Variants in TSPEAR observed in about 807,000 individuals in gnomAD.
The protein encoded by TSPEAR is thrombospondin type laminin G domain and EAR repeats.
Under a neutral mutation model 71.6 loss-of-function variants are expected in TSPEAR, and 69 were observed. The ratio of observed to expected loss-of-function variants is 0.96; its 90% CI spans 0.79 to 1.18. The LOEUF (loss-of-function observed/expected upper bound fraction) is 1.18. Ranked by LOEUF, TSPEAR falls within the 50% of genes most tolerant of loss-of-function variation. The probability of loss-of-function intolerance (pLI) is 0.00; values close to 1 mark genes in which losing one functional copy is unlikely to be tolerated. For synonymous variants in TSPEAR, 402 were observed against 387.2 expected (o/e 1.04, Z -0.45); for missense variants, 971 against 894.9 (o/e 1.09, Z -1.09).
In TSPEAR at chr21:44,599,172, C is replaced by CTCTCTCTCTCTCTCTCAATGTA. The variant is rs1372930980; in HGVS notation, c.83-31168_83-31167insTACATTGAGAGAGAGAGAGAGA. Reference sequence around the variant, plus strand: ...TCTCTCTCTCTCTCTCTCTCTCTCTCCTTCCATCCCATAGGACCAGATCCT... The same window carrying CTCTCTCTCTCTCTCTCAATGTA: ...TCTCTCTCTCTCTCTCTCTCTCTCTCTCTCTCTCTCTCTCTCAATGTACTTCCATCCCATAGGACCAGATCCT... On this transcript the variant is annotated intron_variant, in intron 1 of 11. Coordinates refer to ENST00000323084, the MANE Select transcript of TSPEAR (RefSeq NM_144991.3). 1.1e-3 allele frequency among the ~76,000 whole-genome samples: 159 copies of CTCTCTCTCTCTCTCTCAATGTA among 146,050 alleles called. 4 individuals are homozygous for CTCTCTCTCTCTCTCTCAATGTA. The highest frequency in any genetic ancestry group is 3.8e-3 in the African/African-American group (144 of 38,030).
rs1555921946 is a variant in TSPEAR, at chr21:44,567,900, A to G, written c.188T>C (p.Val63Ala). ...GAAGCTCATGGTGCGGGGGGCGGCT[A>G]CTGAGAGCTGGAGTCCCCGTGCACC... ...VHGARGLQLS[V>A]AAPRTMSFPA... Residue 63 changes from valine (V) to alanine (A), a missense_variant, in exon 2 of 12, where the codon GTA becomes GCA. Physicochemically the swap from Val to Ala is moderately conservative, Grantham distance 64. Transcript: ENST00000323084. The G allele has an allele frequency of 6.2e-6, 10 of 1,608,524 alleles. No individual in the cohort carries two copies. In the South Asian group the frequency reaches 8.9e-5, roughly 14 times the overall value.
rs1979807144 is a variant in TSPEAR at position 44,591,332 on chromosome 21, G to A, written c.83-23327C>T. 3.2e-6 allele frequency: 5 copies of A among 1,552,766 alleles called. No individual in the cohort carries two copies. The South Asian group carries it at 3.7e-5, about 12-fold the overall frequency. On this transcript the variant is annotated intron_variant, in intron 1 of 11. Transcript: ENST00000323084. ...GCCAGAGAGGGCAGAGCTTGCTGGG[G>A]CAGCTGGGAGGTCAGCCCCTGGTGG...
At chr21:44,670,671 GC>G (rs1240228805) in intron 1 of TSPEAR, among the ~76,000 whole-genome samples, 1 of 152,138 alleles carries the variant, frequency 6.6e-6, no homozygotes, top group Non-Finnish European at 1.5e-5. Context: ...ATAGGGATTT[GC>G]CAGGATGCCA....
rs781898287 is a variant in TSPEAR, at chr21:44,612,752, C to A, written c.83-44747G>T. 1 of 1,613,580 alleles carries A rather than the reference C, an allele frequency of 6.2e-7. No homozygotes were observed. On this transcript the variant is annotated intron_variant, in intron 1 of 11. Coordinates refer to ENST00000323084, the MANE Select transcript of TSPEAR (RefSeq NM_144991.3). The surrounding 1 kb of genome is among the most constrained non-coding windows in gnomAD (Gnocchi z 4.1). ...GTCCCTCCTCTGCCGCCCTGTGTGC[C>A]GGCCTGCCTGCTGTGTGCCTGTCCC... is the stretch of plus-strand genomic sequence containing the variant.
intron 1 of TSPEAR, among the ~76,000 whole-genome samples, chr21:44,630,095 G>A (rs1156629298): frequency 6.6e-6 from 1 of 152,214 alleles, no homozygotes; most frequent in African/African-American, 2.4e-5. Context: ...ATTTAGGAAT[G>A]GGAGTTCTTG....
intron 2 of TSPEAR, 132 bp from the exon 3 acceptor site, chr21:44,534,055 G>T: frequency 1.5e-6 from 1 of 670,576 alleles, no homozygotes; most frequent in Non-Finnish European, 2.6e-6. Flanking sequence ...GGGGCGAGGT[G>T]AGGGGGCGCG....
chr21:44,702,456 C>T, intron 1 of TSPEAR: 1 of 1,611,558 alleles, frequency 6.2e-7, no homozygotes, highest in Non-Finnish European at 8.5e-7. Flanking sequence ...CCTCCCCAAG[C>T]CAGCAGTCCT....
chr21:44,661,769 C>T (rs903080363), intron 1 of TSPEAR, among the ~76,000 whole-genome samples: 7 of 152,094 alleles, frequency 4.6e-5, no homozygotes, highest in African/African-American at 1.4e-4. Flanking sequence ...GAGAGAAAGA[C>T]GGGGCTGGGG....
rs587599565 is a variant in TSPEAR at position 44,533,670 on chromosome 21, C to G, written c.542+15G>C. 9.4e-6 allele frequency: 15 copies of G among 1,592,486 alleles called. No individual in the cohort carries two copies. The highest frequency in any genetic ancestry group is 3.6e-4 in the Middle Eastern group (2 of 5,540). ...CTGAGGACTGCAGGTGCACCCTCCC[C>G]GGGTGGGTACCTACATGTCCACCGG... On this transcript the variant is annotated intron_variant, in intron 3 of 11. Coordinates refer to ENST00000323084, the MANE Select transcript of TSPEAR (RefSeq NM_144991.3).
chr21:44,544,560 G>A (rs1475466346), intron 2 of TSPEAR, among the ~76,000 whole-genome samples: 2 of 152,228 alleles, frequency 1.3e-5, no homozygotes, highest in South Asian at 2.1e-4. Context: ...ACTGAATGCT[G>A]TAAATAATTG....
At position 44,710,907 on chromosome 21, in the gene TSPEAR, G is replaced by A. The variant is rs1055419024; in HGVS notation, c.82+526C>T. ...AGACCAGATTACGCCCCAAAGAACCGAGCCCTTCACTCCAGAGGTGGTTGT... is the reference window on the plus strand; with the variant it reads ...AGACCAGATTACGCCCCAAAGAACCAAGCCCTTCACTCCAGAGGTGGTTGT... On this transcript the variant is annotated intron_variant, in intron 1 of 11. Coordinates refer to ENST00000323084, the MANE Select transcript of TSPEAR (RefSeq NM_144991.3). The surrounding 1 kb of genome is among the most constrained non-coding windows in gnomAD (Gnocchi z 4.6). 3.9e-5 allele frequency among the ~76,000 whole-genome samples: 6 copies of A among 152,196 alleles called. No homozygotes were observed. The highest frequency in any genetic ancestry group is 7.3e-5 in the Non-Finnish European group (5 of 68,044).
chr21:44,671,537 G>A (rs1332571284), intron 1 of TSPEAR, among the ~76,000 whole-genome samples: 6 of 152,212 alleles, frequency 3.9e-5, no homozygotes, highest in Admixed American at 3.9e-4. Context: ...CCTCACCACA[G>A]CCTCCACTGA....
rs1446334018 is a variant in TSPEAR at position 44,521,900 on chromosome 21, G to A, written c.1549C>T (p.Leu517Phe). The change falls in exon 9 of 12, where the codon CTC (leucine) becomes TTC (phenylalanine). Residue 517 changes from leucine (L) to phenylalanine (F), a missense_variant. Leu to Phe is a conservative substitution (Grantham distance 22, BLOSUM62 0). Transcript: ENST00000323084. ...GGCCTTACCGGGAAGGACTGGAAGA[G>A]CTGGAAGGAGCCCAGGAGTCGGATG... is the stretch of plus-strand genomic sequence containing the variant. The part of the protein sequence containing the change: ...LYIRLLGSFQ[L>F]FQSFPTFGAA... 2 of 1,613,796 alleles carry A rather than the reference G, an allele frequency of 1.2e-6. No individual in the cohort carries two copies. The highest frequency in any genetic ancestry group is 1.7e-6 in the Non-Finnish European group (2 of 1,179,920).
chr21:44,591,998 G>GCTTGGAGCAGACAGT (rs1979935618), intron 1 of TSPEAR: 1 of 1,601,180 alleles, frequency 6.2e-7, no homozygotes, highest in African/African-American at 1.4e-5. Context: ...GAGCAGACAG[G>GCTTGGAGCAGACAGT]CTTGCAGCAG....
intron 1 of TSPEAR, among the ~76,000 whole-genome samples, chr21:44,628,861 C>T (rs1555935199): frequency 6.6e-6 from 1 of 152,192 alleles, no homozygotes; most frequent in African/African-American, 2.4e-5. Context: ...GGCCCCTGCT[C>T]CAGCCCTGGG....
chr21:44,531,183 A>C (rs1555915738), intron 3 of TSPEAR, 50 bp from the exon 4 acceptor site: 4 of 1,468,450 alleles, frequency 2.7e-6, no homozygotes, highest in South Asian at 1.2e-5. Flanking sequence ...TGGTCACCCC[A>C]GTTTACTCAC....
intron 9 of TSPEAR, chr21:44,518,130 T>C: frequency 2.8e-6 from 1 of 357,128 alleles, no homozygotes; most frequent in Non-Finnish European, 5.7e-6. Context: ...ATTAGTAGCA[T>C]TTTTTATTTC....
intron 1 of TSPEAR, among the ~76,000 whole-genome samples, chr21:44,699,489 G>A (rs1376257652): frequency 5.3e-5 from 8 of 151,670 alleles, no homozygotes; most frequent in African/African-American, 1.9e-4. Flanking sequence ...CCCAGAGGAA[G>A]TGGGTCCTGG....
chr21:44,591,870 T>TACACAGGC, intron 1 of TSPEAR: 1 of 1,512,202 alleles, frequency 6.6e-7, no homozygotes, highest in East Asian at 2.5e-5. Context: ...AGCATGAGGG[T>TACACAGGC]GTGCAGGAGC....
Sources: allele counts gnomAD v4.1 joint callset (sites outside exome capture counted in the v4.1 genomes callset), GRCh38; gene constraint gnomAD v4.1.1; non-coding constraint Gnocchi (gnomAD v3.1); transcripts MANE v1.5; gene names NCBI Gene and HGNC (gene_info 2026-07-23, HGNC 2026-07-21).